The following SOD2 variants were observed in gnomAD, a reference collection of about 807,000 sequenced individuals.
The protein encoded by SOD2 is superoxide dismutase [Mn], mitochondrial.
In SOD2, 11 loss-of-function variants were observed where a neutral mutation model predicts 27.0. The observed-to-expected ratio is 0.41, with a 90% CI of 0.26 to 0.67. The LOEUF is 0.67. SOD2 is among the 30% of genes least tolerant of loss of function. The pLI, the probability that SOD2 is intolerant of heterozygous loss-of-function variation, is 0.34. For missense variants in SOD2, 250 were observed against 274.5 expected (o/e 0.91, Z 0.63); for synonymous variants, 105 against 103.0 (o/e 1.02, Z -0.12).
intron 1 of SOD2, among the ~76,000 whole-genome samples, chr6:159,725,100 G>C (rs768121274): frequency 6.6e-6 from 1 of 152,092 alleles, no homozygotes; most frequent in Non-Finnish European, 1.5e-5. Context: ...GTATATGCTC[G>C]CAGAAGGTCC....
intron 1 of SOD2, among the ~76,000 whole-genome samples, chr6:159,705,022 A>C (rs553517147): frequency 1.3e-5 from 2 of 152,342 alleles, no homozygotes; most frequent in Admixed American, 6.5e-5. Context: ...CAGGGTCTGG[A>C]GTGGACCTCC....
rs867526281 is a variant in SOD2 at position 159,711,959 on chromosome 6, A to C, written c.-116+15170T>G. 5.0e-4 allele frequency among the ~76,000 whole-genome samples: 54 copies of C among 107,898 alleles called. 2 individuals are homozygous for C. Among genetic ancestry groups the C allele is most frequent in the Admixed American group, 9.8e-4 (11 of 11,180 alleles). 70.8% of individuals were successfully genotyped at this position (107,898 alleles called of 152,430 possible). Reference sequence around the variant, plus strand: ...CACCACTCACATTGCTCTGATCACCATAACCACCTCCATAACCACCACTCA... The same window carrying C: ...CACCACTCACATTGCTCTGATCACCCTAACCACCTCCATAACCACCACTCA... On this transcript the variant is annotated intron_variant, in intron 1 of 2. Transcript: ENST00000401980.
rs1489931565 is a variant in SOD2, at chr6:159,684,974, G to C, written c.403C>G (p.Leu135Val). The change falls in exon 4 of 5, where the codon CTG becomes GTG. Residue 135 changes from leucine (L) to valine (V), a missense_variant. Coordinates refer to ENST00000538183, the MANE Select transcript of SOD2 (RefSeq NM_000636.4). ...TGGACACCAACAGATGCAGCCGTCA[G>C]CTTCTCCTTAAACTTGTCAAAGGAA... The part of the protein sequence containing the change: ...FGSFDKFKEK[L>V]TAASVGVQGS... 1 of 1,613,420 alleles carries C rather than the reference G, an allele frequency of 6.2e-7. No individual in the cohort carries two copies. The highest frequency in any genetic ancestry group is 8.5e-7 in the Non-Finnish European group (1 of 1,179,678).
At chr6:159,697,034 GACACACACACACACACACACACACACAC>G (rs35334577), upstream of SOD2, among the ~76,000 whole-genome samples, 26 of 132,722 alleles carry the variant, frequency 2.0e-4, no homozygotes, top group Middle Eastern at 3.8e-3. Context: ...AGGAGACCCT[GACACACACACACACACACACACACACAC>G]ACACACACAC....
intron 1 of SOD2, among the ~76,000 whole-genome samples, chr6:159,757,527 C>G (rs916757581): frequency 2.0e-5 from 3 of 151,960 alleles, no homozygotes; most frequent in Non-Finnish European, 2.9e-5. Flanking sequence ...ATTCTCCTGC[C>G]TCAGACTCCT....
In SOD2 at chr6:159,726,818, G is replaced by A. The variant is rs1778190326; in HGVS notation, c.-116+311C>T. ...GACTGCGCCTCACGACTGATGAGAG[G>A]GAAGGCATCGGTTTCTAAGTTCTCA... On this transcript the variant is annotated intron_variant, in intron 1 of 2. Coordinates refer to the SOD2 transcript ENST00000401980. 3.9e-6 allele frequency: 5 copies of A among 1,289,042 alleles called. No homozygotes were observed. The African/African-American group carries it at 4.6e-5, about 12-fold the overall frequency. The allele number at this position is 1,289,042 out of a possible 1,614,324, so 79.9% of individuals were successfully genotyped here.
chr6:159,758,816 C>G (rs1221793957), intron 1 of SOD2, among the ~76,000 whole-genome samples: 2 of 152,148 alleles, frequency 1.3e-5, no homozygotes, highest in African/African-American at 4.8e-5. Flanking sequence ...GTGAATCCAG[C>G]CTGTAGCAAA....
chr6:159,735,729 A>G (rs544202420), intron 1 of SOD2, among the ~76,000 whole-genome samples: 85 of 152,210 alleles, frequency 5.6e-4, no homozygotes, highest in African/African-American at 1.9e-3. Context: ...ATCCTGGGCG[A>G]CAGAGTGAGA....
At chr6:159,697,319 C>T (rs1379943473), upstream of SOD2, among the ~76,000 whole-genome samples, 2 of 144,486 alleles carry the variant, frequency 1.4e-5, no homozygotes, top group Admixed American at 1.4e-4. Context: ...GGTCACAAAT[C>T]TTATCCAGGC....
intron 3 of SOD2, 85 bp downstream of exon 3, chr6:159,688,041 A>C: frequency 1.2e-6 from 1 of 819,422 alleles, no homozygotes; most frequent in Non-Finnish European, 2.1e-6. Flanking sequence ...AAAACAAAAA[A>C]CAAGTATAAG....
At chr6:159,695,731 A>G (rs2114801212), upstream of SOD2, among the ~76,000 whole-genome samples, 1 of 152,200 alleles carries the variant, frequency 6.6e-6, no homozygotes, top group African/African-American at 2.4e-5. Context: ...CCTTGGCTCA[A>G]GTGATCCTCC....
At chr6:159,735,601 G>T (rs2758314) in intron 1 of SOD2, among the ~76,000 whole-genome samples, 117,832 of 151,840 alleles carry the variant, frequency 0.78, 46,016 homozygotes, top group South Asian at 0.85. Context: ...ATACAAAAAT[G>T]AGCCAGGTGT....
At chr6:159,757,599 G>A (rs913165156) in intron 1 of SOD2, among the ~76,000 whole-genome samples, 2 of 151,966 alleles carry the variant, frequency 1.3e-5, no homozygotes, top group South Asian at 4.2e-4. Context: ...TTTTAGAAGA[G>A]ATGAGGTTTC....
chr6:159,694,393 C>A (rs909780372), upstream of SOD2, among the ~76,000 whole-genome samples: 8 of 152,034 alleles, frequency 5.3e-5, no homozygotes, highest in Non-Finnish European at 1.2e-4. Flanking sequence ...AACCCCCGTA[C>A]AGCCCTCCGA....
At chr6:159,759,479 G>C (rs1780079451) in intron 1 of SOD2, among the ~76,000 whole-genome samples, 1 of 151,506 alleles carries the variant, frequency 6.6e-6, no homozygotes, top group African/African-American at 2.4e-5. Context: ...AGATCAGCCT[G>C]ACTAACATGG....
upstream of SOD2, chr6:159,693,326 CCG>C: frequency 2.8e-6 from 1 of 356,856 alleles, no homozygotes; most frequent in Non-Finnish European, 4.5e-6. Flanking sequence ...CACCGCCGCC[CCG>C]CCCCCCCCCC....
At chr6:159,699,601 G>T (rs1381933899) in intron 1 of SOD2, among the ~76,000 whole-genome samples, 1 of 152,072 alleles carries the variant, frequency 6.6e-6, no homozygotes, top group Non-Finnish European at 1.5e-5. Flanking sequence ...CTATGTAAGG[G>T]TGGGATCTGT....
At chr6:159,711,077 ATTG>A (rs1777741341) in intron 1 of SOD2, among the ~76,000 whole-genome samples, 1 of 89,346 alleles carries the variant, frequency 1.1e-5, no homozygotes, top group African/African-American at 5.2e-5. Context: ...CACCACTCAC[ATTG>A]CTCTGATCAC....
chr6:159,699,481 C>A, intron 1 of SOD2, among the ~76,000 whole-genome samples: 1 of 152,042 alleles, frequency 6.6e-6, no homozygotes, highest in Admixed American at 6.6e-5. Flanking sequence ...TCCATAAGAT[C>A]CTTTCATGAG....
Sources: gnomAD v4.1 joint callset for allele counts (sites outside exome capture counted in the v4.1 genomes callset) on GRCh38, gnomAD v4.1.1 for gene constraint, MANE v1.5 for transcripts, NCBI Gene and HGNC (gene_info 2026-07-23, HGNC 2026-07-21) for gene names.